The following TAFA3 variants were observed in gnomAD, a reference collection of about 807,000 sequenced individuals.
The protein encoded by TAFA3 is chemokine-like protein TAFA-3.
TAFA3 carries 17 observed loss-of-function variants against 20.7 expected under a neutral mutation model. The ratio of observed to expected loss-of-function variants is 0.82; its 90% CI spans 0.56 to 1.23. The LOEUF is 1.23. Among genes scored for constraint, TAFA3 ranks in the 50% most tolerant of loss-of-function variants. The probability of loss-of-function intolerance (pLI) is 0.00; values close to 1 mark genes in which losing one functional copy is unlikely to be tolerated. For synonymous variants in TAFA3, 74 were observed against 71.8 expected (o/e 1.03, Z -0.16); for missense variants, 174 against 172.8 (o/e 1.01, Z -0.04).
chr1:112,726,528 C>A, intron 5 of TAFA3, 101 bp from the exon 6 acceptor site: 2 of 1,237,742 alleles, frequency 1.6e-6, no homozygotes, highest in Non-Finnish European at 2.4e-6. Context: ...GGATTGGCAG[C>A]AATGTCCTCT....
chr1:112,722,499 C>T (rs1164100394), intron 3 of TAFA3, 151 bp downstream of exon 3: 3 of 677,548 alleles, frequency 4.4e-6, no homozygotes, highest in South Asian at 3.8e-5. Context: ...CTGCTCTTTA[C>T]CCAGGAATCT....
In TAFA3 at chr1:112,726,847, C is replaced by T; in HGVS notation, c.*207C>T. The T allele has an allele frequency of 1.5e-6, 1 of 676,428 alleles. No individual in the cohort carries two copies. Among genetic ancestry groups the T allele is most frequent in the South Asian group, 2.0e-5 (1 of 49,488 alleles). The allele number at this position is 676,428 out of a possible 1,614,324, so 41.9% of individuals were successfully genotyped here. ...ATACCTAATGTGGAGCTGGGCTTTT[C>T]TGGAGACACGAAGGTCAACACACAA... is the stretch of plus-strand genomic sequence containing the variant. On this transcript the variant is annotated 3_prime_UTR_variant, in exon 6 of 6. Transcript: ENST00000361886.
intron 1 of TAFA3, among the ~76,000 whole-genome samples, chr1:112,719,966 C>G (rs1049280712): frequency 3.3e-5 from 5 of 152,160 alleles, no homozygotes; most frequent in African/African-American, 1.2e-4. Flanking sequence ...TTCTGCCTCC[C>G]TTTAGAGAGG....
At chr1:112,726,524 G>A in intron 5 of TAFA3, 105 bp from the exon 6 acceptor site, 9 of 1,193,626 alleles carry the variant, frequency 7.5e-6, no homozygotes, top group Non-Finnish European at 1.1e-5. Flanking sequence ...GAGAGGATTG[G>A]CAGCAATGTC....
intron 3 of TAFA3, 83 bp downstream of exon 3, chr1:112,722,431 C>A: frequency 8.5e-7 from 1 of 1,180,922 alleles, no homozygotes. Flanking sequence ...TGTTCCATAG[C>A]AGGCAGGTCT....
intron 1 of TAFA3, among the ~76,000 whole-genome samples, 105 bp downstream of exon 1, chr1:112,719,404 A>G (rs1466764248): frequency 2.0e-5 from 3 of 152,230 alleles, no homozygotes; most frequent in African/African-American, 7.2e-5. Context: ...TGTGGTTCAC[A>G]TCCTCAAACC....
chr1:112,720,992 C>T (rs1187989910), intron 2 of TAFA3, among the ~76,000 whole-genome samples: 1 of 152,208 alleles, frequency 6.6e-6, no homozygotes, highest in Non-Finnish European at 1.5e-5. Flanking sequence ...CAAGGTGGTG[C>T]AGTGGGCAGA....
intron 2 of TAFA3, 109 bp from the exon 3 acceptor site, chr1:112,722,124 C>A: frequency 9.0e-7 from 1 of 1,114,638 alleles, no homozygotes; most frequent in Non-Finnish European, 1.3e-6. Context: ...ACAAGGTGTG[C>A]CTCCTCCCCA....
chr1:112,722,976 C>A, intron 3 of TAFA3, 40 bp from the exon 4 acceptor site: 1 of 1,574,790 alleles, frequency 6.4e-7, no homozygotes, highest in Non-Finnish European at 8.6e-7. Context: ...GGAGCGGGGT[C>A]GGGCGTGTTG....
At chr1:112,726,579 A>T (rs773512229) in intron 5 of TAFA3, 50 bp from the exon 6 acceptor site, 1 of 1,600,940 alleles carries the variant, frequency 6.2e-7, no homozygotes, top group Non-Finnish European at 8.6e-7. Context: ...GCATGCTGGA[A>T]TGGAATAGGC....
At chr1:112,723,249 C>G in intron 4 of TAFA3, 84 bp downstream of exon 4, 1 of 1,472,276 alleles carries the variant, frequency 6.8e-7, no homozygotes, top group Non-Finnish European at 9.1e-7. Flanking sequence ...GCTGGGGATA[C>G]AATTTCATAC....
At chr1:112,723,299 C>G in intron 4 of TAFA3, 134 bp downstream of exon 4, 1 of 1,252,764 alleles carries the variant, frequency 8.0e-7, no homozygotes, top group East Asian at 2.6e-5. Context: ...AATGGTGGGG[C>G]CCCCTCTGGG....
chr1:112,722,828 G>A (rs573137036), intron 3 of TAFA3, among the ~76,000 whole-genome samples, 188 bp from the exon 4 acceptor site: 1 of 152,302 alleles, frequency 6.6e-6, no homozygotes, highest in African/African-American at 2.4e-5. Context: ...CCTCACAGGG[G>A]AGGGAGGAAG....
chr1:112,727,060 G>C lies in TAFA3; in HGVS notation c.*420G>C. On this transcript the variant is annotated 3_prime_UTR_variant, in exon 6 of 6. Transcript: ENST00000361886. ...TGGCCACAGGGCATAGAAACAAGAG[G>C]TCACATTCAGCACCCACCACCTCCC... The C allele has an allele frequency of 5.2e-6, 1 of 194,080 alleles. No homozygotes were observed. The highest frequency in any genetic ancestry group is 1.1e-4 in the South Asian group (1 of 9,138). 12.0% of individuals were successfully genotyped at this position (194,080 alleles called of 1,614,324 possible).
rs375838706 is a variant in TAFA3 at position 112,722,320 on chromosome 1, G to A, written c.87G>A (p.Leu29=). 1 of 1,613,650 alleles carries A rather than the reference G, an allele frequency of 6.2e-7. No individual in the cohort carries two copies. The highest frequency in any genetic ancestry group is 8.5e-7 in the Non-Finnish European group (1 of 1,180,010). The change falls in exon 3 of 6, where the codon TTG becomes TTA. Residue 29 remains leucine (L), a synonymous_variant. Transcript: ENST00000361886. ...CCTGGCTGTGGACCCACCTGACCTT[G>A]GCTGCCTTGCAGCCTCCCACTGCCA... ...CLAWLWTHLT[L]AALQPPTATV...
rs753050836 is a variant in TAFA3, at chr1:112,723,140, G to T, written c.240G>T (p.Thr80=). 55 of 1,613,094 alleles carry T rather than the reference G, an allele frequency of 3.4e-5. No individual in the cohort carries two copies. The highest frequency in any genetic ancestry group is 4.6e-5 in the Non-Finnish European group (54 of 1,179,838). Residue 80 remains threonine, a synonymous_variant, in exon 4 of 6, where the codon ACG becomes ACT. Transcript: ENST00000361886. ...TTTCTGGCCAGGTGGCCGGCACCAC[G>T]CGGGCAAAGCCCTCCTGCGTGGACG... The part of the protein sequence containing the change: ...SCFSGQVAGT[T]RAKPSCVDAS...
At chr1:112,723,804 G>A (rs781018461) in intron 4 of TAFA3, 20 of 866,834 alleles carry the variant, frequency 2.3e-5, no homozygotes, top group Non-Finnish European at 3.6e-5. Context: ...TGCAGGGATC[G>A]GTGGGATTAA....
chr1:112,726,910 T>C lies in TAFA3; in HGVS notation c.*270T>C. The C allele has an allele frequency of 1.9e-6, 1 of 519,250 alleles. No homozygotes were observed. Among genetic ancestry groups the C allele is most frequent in the South Asian group, 2.7e-5 (1 of 37,084 alleles). The allele number at this position is 519,250 out of a possible 1,614,324, so 32.2% of individuals were successfully genotyped here. ...AGGAATGTCCAGTTGAATTGGAGAG[T>C]TGATGACAGACAATTTAGATAATTT... On this transcript the variant is annotated 3_prime_UTR_variant, in exon 6 of 6. Transcript: ENST00000361886.
At chr1:112,724,816 C>CAAAA in intron 5 of TAFA3, among the ~76,000 whole-genome samples, 242 of 22,580 alleles carry the variant, frequency 0.011, 5 homozygotes, top group African/African-American at 0.021. Context: ...ATTAGAGCAG[C>CAAAA]AAAAAAAAAA....
Sources: gnomAD v4.1 joint callset for allele counts (sites outside exome capture counted in the v4.1 genomes callset) on GRCh38, gnomAD v4.1.1 for gene constraint, MANE v1.5 for transcripts, NCBI Gene and HGNC (gene_info 2026-07-23, HGNC 2026-07-21) for gene names.